KCNIP1: variants seen among roughly 807,000 people sequenced by gnomAD.
KCNIP1 encodes the protein A-type potassium channel modulatory protein KCNIP1.
KCNIP1 carries 18 observed loss-of-function variants against 33.0 expected under a neutral mutation model. That is an observed-to-expected ratio of 0.55 (90% CI 0.38 to 0.81). KCNIP1 has a LOEUF of 0.81. Among genes scored for constraint, KCNIP1 ranks in the 30% least tolerant of loss-of-function variants. The pLI is 0.00. For synonymous variants in KCNIP1, 93 were observed against 98.3 expected, an observed-to-expected ratio of 0.95 and a Z score of 0.32; for missense variants, 238 against 271.6, an observed-to-expected ratio of 0.88 and a Z score of 0.87.
intron 1 of KCNIP1, among the ~76,000 whole-genome samples, chr5:170,609,793 G>T (rs1318974724): frequency 1.3e-5 from 2 of 152,150 alleles, no homozygotes; most frequent in Non-Finnish European, 2.9e-5. Context: ...GAAATTCGAG[G>T]TTGCAGTGAG....
chr5:170,498,886 G>A (rs1007425836), intron 1 of KCNIP1, among the ~76,000 whole-genome samples: 1 of 152,140 alleles, frequency 6.6e-6, no homozygotes, highest in Non-Finnish European at 1.5e-5. Context: ...CATACCAGGG[G>A]ACATGGGACT....
intron 1 of KCNIP1, among the ~76,000 whole-genome samples, chr5:170,398,541 T>G (rs530642340): frequency 1.1e-4 from 16 of 152,246 alleles, no homozygotes; most frequent in Non-Finnish European, 2.1e-4. Flanking sequence ...TAAATTTGCT[T>G]TCTTTAGATT....
chr5:170,394,979 G>C (rs1331741982), intron 1 of KCNIP1, among the ~76,000 whole-genome samples: 1 of 152,194 alleles, frequency 6.6e-6, no homozygotes, highest in East Asian at 1.9e-4. Context: ...GTAGCACACT[G>C]TCTTTATCTA....
chr5:170,676,186 G>A (rs986685386), intron 1 of KCNIP1, among the ~76,000 whole-genome samples: 1 of 63,396 alleles, frequency 1.6e-5, no homozygotes, highest in African/African-American at 6.1e-5. Context: ...GGAAAGGAAA[G>A]GAAAGGAAAG....
chr5:170,430,719 G>T (rs546052782), intron 1 of KCNIP1, among the ~76,000 whole-genome samples: 1 of 152,332 alleles, frequency 6.6e-6, no homozygotes, highest in African/African-American at 2.4e-5. Flanking sequence ...AGCTGGGAAA[G>T]AGTTGTCATG....
intron 1 of KCNIP1, among the ~76,000 whole-genome samples, chr5:170,586,930 C>G (rs1030857129): frequency 6.6e-6 from 1 of 152,172 alleles, no homozygotes; most frequent in Non-Finnish European, 1.5e-5. Flanking sequence ...AATAGATGAG[C>G]TCTCTCTGTC....
chr5:170,389,285 G>T (rs41275255), intron 1 of KCNIP1: 2,616 of 152,378 alleles, frequency 0.017, 37 homozygotes, highest in Non-Finnish European at 0.025. Context: ...TGTGGGTCTT[G>T]AGCAGCAGAC....
intron 1 of KCNIP1, among the ~76,000 whole-genome samples, chr5:170,624,270 T>C (rs1759726676): frequency 6.6e-6 from 1 of 152,218 alleles, no homozygotes; most frequent in South Asian, 2.1e-4. Context: ...GTAGCCATTC[T>C]AGGTGCAGGG....
At chr5:170,455,767 A>G (rs973503763) in intron 1 of KCNIP1, among the ~76,000 whole-genome samples, 9 of 152,260 alleles carry the variant, frequency 5.9e-5, no homozygotes, top group Admixed American at 5.9e-4. Flanking sequence ...CACAACATAT[A>G]AAAATTTATG....
chr5:170,611,390 G>A (rs1759146754), intron 1 of KCNIP1, among the ~76,000 whole-genome samples: 1 of 152,194 alleles, frequency 6.6e-6, no homozygotes, highest in Non-Finnish European at 1.5e-5. Context: ...ATCTTCGAAA[G>A]GTGAGGTCAA....
intron 1 of KCNIP1, among the ~76,000 whole-genome samples, chr5:170,515,930 T>C (rs1249173511): frequency 6.6e-6 from 1 of 152,152 alleles, no homozygotes. Flanking sequence ...CAGGCAAGAA[T>C]GTAGGTTAGT....
chr5:170,480,256 A>G (rs1333383585), intron 1 of KCNIP1, among the ~76,000 whole-genome samples: 2 of 152,232 alleles, frequency 1.3e-5, no homozygotes, highest in African/African-American at 4.8e-5. Context: ...GTTTCTCCTA[A>G]GAATACAAAT....
exon 1 of KCNIP1, chr5:170,353,793 G>A: frequency 1.6e-6 from 2 of 1,264,780 alleles, no homozygotes; most frequent in South Asian, 1.2e-5. Context: ...ATTCACCCAG[G>A]CAGGCTCCAA....
At chr5:170,656,357 T>C (rs568202344) in intron 1 of KCNIP1, among the ~76,000 whole-genome samples, 18 of 152,314 alleles carry the variant, frequency 1.2e-4, no homozygotes, top group Admixed American at 4.6e-4. Flanking sequence ...AGGCTGTTTA[T>C]AGAATTGCGG....
intron 1 of KCNIP1, among the ~76,000 whole-genome samples, chr5:170,690,513 T>C (rs1170190305): frequency 6.6e-6 from 1 of 152,262 alleles, no homozygotes; most frequent in Non-Finnish European, 1.5e-5. Flanking sequence ...GACAAATAGA[T>C]GCTCAGTAAA....
intron 1 of KCNIP1, among the ~76,000 whole-genome samples, chr5:170,601,687 C>T (rs1758693760): frequency 6.6e-6 from 1 of 152,222 alleles, no homozygotes; most frequent in African/African-American, 2.4e-5. Flanking sequence ...ATACTAAACA[C>T]CTGCTCTGGG....
chr5:170,633,131 C>T (rs956194426), intron 1 of KCNIP1, among the ~76,000 whole-genome samples: 1 of 152,156 alleles, frequency 6.6e-6, no homozygotes, highest in Non-Finnish European at 1.5e-5. Flanking sequence ...CCCAGGCATT[C>T]TCGGGGTCTC....
At chr5:170,421,681 C>T (rs1326493602) in intron 1 of KCNIP1, among the ~76,000 whole-genome samples, 1 of 152,152 alleles carries the variant, frequency 6.6e-6, no homozygotes, top group Non-Finnish European at 1.5e-5. Context: ...AAGTCCCCAC[C>T]TCCCAACACC....
rs564878611 is a variant in KCNIP1, at chr5:170,634,834, G to A, written c.62-83924G>A. Among the ~76,000 whole-genome samples, 6 of 152,310 alleles carry A rather than the reference G, an allele frequency of 3.9e-5. No individual in the cohort carries two copies. In the East Asian group the frequency reaches 1.2e-3, roughly 29 times the overall value. ...TGTAAGAGGAGATTAATAGCTCATA[G>A]CATTCCCAGGCATTGCTGTTAGGAA... On this transcript the variant is annotated intron_variant, in intron 1 of 7. Transcript: ENST00000328939.
Sources: allele counts gnomAD v4.1 joint callset (sites outside exome capture counted in the v4.1 genomes callset), GRCh38; gene constraint gnomAD v4.1.1; transcripts MANE v1.5; gene names NCBI Gene and HGNC (gene_info 2026-07-23, HGNC 2026-07-21).